The following LINGO2 variants were observed in gnomAD, a reference collection of about 807,000 sequenced individuals.
LINGO2 encodes the protein leucine rich repeat and Ig domain containing 2.
Under a neutral mutation model 30.6 loss-of-function variants are expected in LINGO2, and 14 were observed. The observed-to-expected ratio is 0.46, with a 90% CI of 0.30 to 0.72. LINGO2 has a LOEUF of 0.72. LINGO2 is among the 30% of genes least tolerant of loss of function. The probability of loss-of-function intolerance (pLI) is 0.07; values close to 1 mark genes in which losing one functional copy is unlikely to be tolerated. For missense variants in LINGO2, 729 were observed against 751.7 expected (o/e 0.97, Z 0.35); for synonymous variants, 317 against 288.5 (o/e 1.10, Z -1.00).
chr9:28,997,290 A>G, the LINGO2 span, among the ~76,000 whole-genome samples: 1 of 152,070 alleles, frequency 6.6e-6, no homozygotes, highest in Non-Finnish European at 1.5e-5. Flanking sequence ...AACATAAAAT[A>G]ATAAAAATAA....
the LINGO2 span, among the ~76,000 whole-genome samples, chr9:29,050,041 T>C: frequency 6.6e-6 from 1 of 152,280 alleles, no homozygotes; most frequent in South Asian, 2.1e-4. Flanking sequence ...ACATTTTTTT[T>C]TTTTGAGACA....
the LINGO2 span, among the ~76,000 whole-genome samples, chr9:28,808,261 T>A: frequency 1.3e-5 from 2 of 152,314 alleles, no homozygotes; most frequent in Non-Finnish European, 2.9e-5. Context: ...CAGAATGCCA[T>A]CTGCTTATTT....
chr9:28,761,477 TACATGCGCACACACACACACACGCAC>T, the LINGO2 span, among the ~76,000 whole-genome samples: 3 of 111,162 alleles, frequency 2.7e-5, no homozygotes, highest in South Asian at 1.1e-3. Flanking sequence ...GTGAAAAATA[TACATGCGCACACACACACACACGCAC>T]ACACACGTGT....
intron 4 of LINGO2, among the ~76,000 whole-genome samples, chr9:28,176,083 A>G (rs1314482867): frequency 6.6e-6 from 1 of 152,170 alleles, no homozygotes; most frequent in Non-Finnish European, 1.5e-5. Flanking sequence ...AGTATTTAGG[A>G]TAAAACGCTT....
At chr9:28,575,787 T>A (rs1209911707) in intron 1 of LINGO2, among the ~76,000 whole-genome samples, 1 of 152,184 alleles carries the variant, frequency 6.6e-6, no homozygotes, top group African/African-American at 2.4e-5. Context: ...TTTAGAATTA[T>A]CTTCTGTACC....
chr9:28,195,516 A>C, intron 4 of LINGO2, among the ~76,000 whole-genome samples: 1 of 145,402 alleles, frequency 6.9e-6, no homozygotes, highest in South Asian at 2.3e-4. Flanking sequence ...GAATTTGGTA[A>C]AAATAAATAT....
chr9:28,934,900 G>A, the LINGO2 span, among the ~76,000 whole-genome samples: 139,333 of 152,174 alleles, frequency 0.92, 63,908 homozygotes, highest in Non-Finnish European at 0.94. Flanking sequence ...CATTATAACA[G>A]TGCTGTCCAT....
intron 5 of LINGO2, among the ~76,000 whole-genome samples, chr9:27,981,121 A>G (rs1348340200): frequency 6.6e-6 from 1 of 151,776 alleles, no homozygotes; most frequent in African/African-American, 2.4e-5. Context: ...TTAAAATTTT[A>G]TTAACAAGTC....
chr9:29,071,154 TTATTGTATTGTATTGTATTG>T, the LINGO2 span, among the ~76,000 whole-genome samples: 5 of 137,752 alleles, frequency 3.6e-5, no homozygotes, highest in East Asian at 2.1e-4. Context: ...TCACAGAGAA[TTATTGTATTGTATTGTATTG>T]TATTGTATTG....
At chr9:28,108,351 G>A (rs1452967573) in intron 4 of LINGO2, among the ~76,000 whole-genome samples, 2 of 152,092 alleles carry the variant, frequency 1.3e-5, no homozygotes. Flanking sequence ...AGCCAAGTGT[G>A]CTACAACTAT....
chr9:28,330,964 CTT>C (rs1825398157), intron 3 of LINGO2, among the ~76,000 whole-genome samples: 1 of 152,116 alleles, frequency 6.6e-6, no homozygotes, highest in African/African-American at 2.4e-5. Flanking sequence ...CTATTTCTAA[CTT>C]TATTTCTTAA....
At chr9:28,397,354 A>AGT (rs1822087052) in intron 2 of LINGO2, among the ~76,000 whole-genome samples, 2 of 55,894 alleles carry the variant, frequency 3.6e-5, no homozygotes, top group African/African-American at 1.1e-4. Context: ...GATGTTTTGA[A>AGT]GTATATATAT....
the LINGO2 span, among the ~76,000 whole-genome samples, chr9:29,024,012 T>G: frequency 1.3e-5 from 2 of 152,204 alleles, no homozygotes; most frequent in South Asian, 2.1e-4. Context: ...TCTTGTAAAC[T>G]TAATGTCCTC....
At chr9:28,532,903 G>A (rs960554620) in intron 1 of LINGO2, among the ~76,000 whole-genome samples, 4 of 152,102 alleles carry the variant, frequency 2.6e-5, no homozygotes, top group East Asian at 1.9e-4. Context: ...CTTGCCTTCT[G>A]TCAGTCTTCA....
intron 4 of LINGO2, among the ~76,000 whole-genome samples, chr9:28,272,381 T>C (rs1822972518): frequency 6.6e-6 from 1 of 151,758 alleles, no homozygotes; most frequent in African/African-American, 2.4e-5. Context: ...TTCCTTCTTC[T>C]CCTTGAACAT....
the LINGO2 span, chr9:27,937,639 T>A: frequency 6.6e-6 from 1 of 152,106 alleles, no homozygotes. Flanking sequence ...GTATTTTATT[T>A]TTGTGTCTCA....
At chr9:28,588,669 T>C (rs1824700759) in intron 1 of LINGO2, among the ~76,000 whole-genome samples, 1 of 151,922 alleles carries the variant, frequency 6.6e-6, no homozygotes, top group Non-Finnish European at 1.5e-5. Context: ...ATCCAAGATA[T>C]AAGAGGGAGT....
chr9:28,408,500 C>G (rs1005268588), intron 2 of LINGO2, among the ~76,000 whole-genome samples: 4 of 151,844 alleles, frequency 2.6e-5, no homozygotes, highest in African/African-American at 9.7e-5. Flanking sequence ...AACCATCATT[C>G]TCAGCAAACT....
chr9:28,439,273 A>G (rs995578604), intron 2 of LINGO2, among the ~76,000 whole-genome samples: 8 of 150,364 alleles, frequency 5.3e-5, no homozygotes, highest in Admixed American at 2.0e-4. Context: ...ATGTATATAT[A>G]TGTGTGTGTG....
Sources: gnomAD v4.1 joint callset for allele counts (sites outside exome capture counted in the v4.1 genomes callset) on GRCh38, gnomAD v4.1.1 for gene constraint, MANE v1.5 for transcripts, NCBI Gene and HGNC (gene_info 2026-07-23, HGNC 2026-07-21) for gene names.